KAZN: variants seen among roughly 807,000 people sequenced by gnomAD.
KAZN encodes the protein kazrin, periplakin interacting protein.
Under a neutral mutation model 87.4 loss-of-function variants are expected in KAZN, and 40 were observed. The ratio of observed to expected loss-of-function variants is 0.46; its 90% CI spans 0.36 to 0.60. The LOEUF (loss-of-function observed/expected upper bound fraction) is 0.60. KAZN is among the 20% of genes least tolerant of loss of function. The pLI, the probability that KAZN is intolerant of heterozygous loss-of-function variation, is 0.00. For synonymous variants in KAZN, 466 were observed against 458.3 expected (o/e 1.02, Z -0.22); for missense variants, 898 against 1,073.9 (o/e 0.84, Z 2.29).
chr1:14,235,380 T>C lies in KAZN; in HGVS notation c.249+54788T>C, dbSNP rs1648312064. ...AAGTCATATAAAGCCACGTATTATA[T>C]GATTTCATTTATGCGAATGGTCTAG... On this transcript the variant is annotated intron_variant, in intron 2 of 16. Transcript: ENST00000636203. Among the ~76,000 whole-genome samples, 3 of 152,242 alleles carry C rather than the reference T, an allele frequency of 2.0e-5. No individual in the cohort carries two copies. In the South Asian group the frequency reaches 6.2e-4, roughly 32 times the overall value.
chr1:14,957,341 A>G (rs1663239581), intron 1 of KAZN, among the ~76,000 whole-genome samples: 2 of 152,124 alleles, frequency 1.3e-5, no homozygotes. Context: ...CCGTGCCTAG[A>G]GCCGTGCATG....
intron 1 of KAZN, among the ~76,000 whole-genome samples, chr1:14,036,120 C>A (rs1348835795): frequency 6.6e-6 from 1 of 152,148 alleles, no homozygotes; most frequent in African/African-American, 2.4e-5. Flanking sequence ...ACAGCACATG[C>A]AAAAGAGAGG....
intron 2 of KAZN, among the ~76,000 whole-genome samples, chr1:14,320,717 C>T (rs1655988508): frequency 6.6e-6 from 1 of 152,150 alleles, no homozygotes; most frequent in Admixed American, 6.5e-5. Context: ...GTGACTTTTT[C>T]TTAGAAAAAC....
chr1:14,159,685 C>G (rs868350994), intron 1 of KAZN, among the ~76,000 whole-genome samples: 1 of 152,142 alleles, frequency 6.6e-6, no homozygotes, highest in African/African-American at 2.4e-5. Context: ...GAGTCTTGCC[C>G]CATTGCCACC....
intron 2 of KAZN, among the ~76,000 whole-genome samples, chr1:14,189,800 G>A (rs552361212): frequency 8.1e-4 from 124 of 152,244 alleles, no homozygotes; most frequent in Non-Finnish European, 1.1e-3. Context: ...TAAAATACGG[G>A]CCATTAATTC....
rs1179674748 is a variant in KAZN at position 15,099,923 on chromosome 1, T to C, written c.1548-1620T>C. Among the ~76,000 whole-genome samples the C allele has an allele frequency of 6.6e-6, 1 of 152,074 alleles. No individual in the cohort carries two copies. Among genetic ancestry groups the C allele is most frequent in the Non-Finnish European group, 1.5e-5 (1 of 68,000 alleles). On this transcript the variant is annotated intron_variant, in intron 10 of 14. Transcript: ENST00000376030. This position sits in a 1 kb window ranked among gnomAD's most constrained non-coding sequence, Gnocchi z 5.4. ...GAGTGACCGACAGACAAGGACGGGC[T>C]ATCAGCTTGGGAGCTGGGTGACAGA...
In KAZN at chr1:14,549,517, G is replaced by A. The variant is rs369743451; in HGVS notation, c.250-49466G>A. Among the ~76,000 whole-genome samples, 3 of 152,070 alleles carry A rather than the reference G, an allele frequency of 2.0e-5. No individual in the cohort carries two copies. In the South Asian group the frequency reaches 6.2e-4, roughly 32 times the overall value. On this transcript the variant is annotated intron_variant, in intron 2 of 16. Coordinates refer to the KAZN transcript ENST00000636203. ...TGGTATTGGCCAGAGATTACTTTGT[G>A]TTCATGTCTCATCCTGAGGTTTCCA...
At chr1:14,272,291 TCTC>T (rs1270750079) in intron 2 of KAZN, among the ~76,000 whole-genome samples, 1 of 152,106 alleles carries the variant, frequency 6.6e-6, no homozygotes, top group Non-Finnish European at 1.5e-5. Flanking sequence ...CAGGATATAT[TCTC>T]CTCCTGGCGA....
At chr1:14,804,418 A>G (rs935447603) in intron 1 of KAZN, among the ~76,000 whole-genome samples, 2 of 151,878 alleles carry the variant, frequency 1.3e-5, no homozygotes, top group Non-Finnish European at 2.9e-5. Context: ...GTGTCTCCCC[A>G]CTCAAAACTC....
At chr1:14,524,672 C>A (rs1307549145) in intron 2 of KAZN, among the ~76,000 whole-genome samples, 1 of 152,088 alleles carries the variant, frequency 6.6e-6, no homozygotes, top group Non-Finnish European at 1.5e-5. Flanking sequence ...TTTCACCGTT[C>A]GACTCCATAA....
At chr1:14,522,504 G>A (rs1456506343) in intron 2 of KAZN, among the ~76,000 whole-genome samples, 2 of 152,146 alleles carry the variant, frequency 1.3e-5, no homozygotes, top group South Asian at 4.1e-4. Context: ...TGCAAATCAC[G>A]TCATCATCTG....
At position 15,099,095 on chromosome 1, in the gene KAZN, A is replaced by G. The variant is rs1035851276; in HGVS notation, c.1548-2448A>G. On this transcript the variant is annotated intron_variant, in intron 10 of 14. Coordinates refer to ENST00000376030, the MANE Select transcript of KAZN (RefSeq NM_201628.3). The surrounding 1 kb of genome is among the most constrained non-coding windows in gnomAD (Gnocchi z 5.4). ...GACCAGACGTCTCTGCAGAGTCCAT[A>G]GGAGTTCACTGGGGGAAGAGGGTGG... 3.3e-5 allele frequency among the ~76,000 whole-genome samples: 5 copies of G among 152,146 alleles called. No individual in the cohort carries two copies. Among genetic ancestry groups the G allele is most frequent in the South Asian group, 2.1e-4 (1 of 4,816 alleles).
chr1:14,636,048 C>A (rs1354077862), intron 1 of KAZN, among the ~76,000 whole-genome samples: 1 of 152,172 alleles, frequency 6.6e-6, no homozygotes, highest in Non-Finnish European at 1.5e-5. Context: ...CACTTCAACA[C>A]CAACCTCAAT....
intron 1 of KAZN, among the ~76,000 whole-genome samples, chr1:13,970,102 T>C (rs938513151): frequency 5.3e-5 from 8 of 152,220 alleles, no homozygotes; most frequent in Non-Finnish European, 2.9e-5. Context: ...ACTCATATCT[T>C]AGATTCCAGG....
intron 1 of KAZN, among the ~76,000 whole-genome samples, chr1:14,667,024 C>T (rs1639604814): frequency 1.3e-5 from 2 of 152,160 alleles, no homozygotes; most frequent in South Asian, 4.1e-4. Context: ...GAGAACCAAC[C>T]GTTGAATTTA....
intron 1 of KAZN, among the ~76,000 whole-genome samples, chr1:14,147,104 T>C (rs1431103751): frequency 6.6e-6 from 1 of 152,252 alleles, no homozygotes; most frequent in Admixed American, 6.5e-5. Flanking sequence ...TTCTTCAGCT[T>C]ACTTTATTGT....
intron 1 of KAZN, among the ~76,000 whole-genome samples, chr1:13,918,939 T>G (rs66493815): frequency 0.17 from 26,103 of 151,490 alleles, 2,451 homozygotes; most frequent in Non-Finnish European, 0.22. Context: ...TGTTAAAATG[T>G]TTTTTTTTCC....
intron 1 of KAZN, among the ~76,000 whole-genome samples, chr1:14,920,448 G>A (rs538180138): frequency 1.7e-4 from 26 of 151,568 alleles, no homozygotes; most frequent in African/African-American, 4.1e-4. Flanking sequence ...ATGAGTTGCC[G>A]GGAGGACTGG....
chr1:14,612,100 C>T (rs1270967961), intron 1 of KAZN, among the ~76,000 whole-genome samples: 1 of 152,096 alleles, frequency 6.6e-6, no homozygotes, highest in Non-Finnish European at 1.5e-5. Flanking sequence ...ACAGGAGGAG[C>T]TTAATAAATG....
Sources: allele counts gnomAD v4.1 joint callset (sites outside exome capture counted in the v4.1 genomes callset), GRCh38; gene constraint gnomAD v4.1.1; non-coding constraint Gnocchi (gnomAD v3.1); transcripts MANE v1.5; gene names NCBI Gene and HGNC (gene_info 2026-07-23, HGNC 2026-07-21).